CATSPERE: variants seen among roughly 807,000 people sequenced by gnomAD.
CATSPERE encodes the protein catsper channel auxiliary subunit epsilon.
Under a neutral mutation model 114.1 loss-of-function variants are expected in CATSPERE, and 93 were observed. The observed-to-expected ratio is 0.81, with a 90% CI of 0.69 to 0.97. CATSPERE has a LOEUF of 0.97. CATSPERE is among the 50% of genes least tolerant of loss of function. The probability of loss-of-function intolerance (pLI) is 0.00; values close to 1 mark genes in which losing one functional copy is unlikely to be tolerated. For missense variants in CATSPERE, 1,058 were observed against 1,131.6 expected (o/e 0.93, Z 0.93); for synonymous variants, 341 against 384.1 (o/e 0.89, Z 1.31).
At chr1:244,465,739 G>GT (rs1161685554) in intron 2 of CATSPERE, among the ~76,000 whole-genome samples, 5 of 152,292 alleles carry the variant, frequency 3.3e-5, no homozygotes, top group South Asian at 4.1e-4. Context: ...GAATAAGGCT[G>GT]TTAGTTTTCA....
At chr1:244,460,859 A>T (rs902049008), upstream of CATSPERE, among the ~76,000 whole-genome samples, 1 of 152,224 alleles carries the variant, frequency 6.6e-6, no homozygotes, top group Non-Finnish European at 1.5e-5. Context: ...GGTTGCAGTG[A>T]GCCGAGCCAG....
chr1:244,464,124 C>G (rs1012047276), intron 2 of CATSPERE, among the ~76,000 whole-genome samples, 168 bp downstream of exon 2: 3 of 152,158 alleles, frequency 2.0e-5, no homozygotes, highest in African/African-American at 7.2e-5. Flanking sequence ...AATCCATGTC[C>G]TTAAATTTGC....
At chr1:244,477,704 A>G in intron 3 of CATSPERE, 90 bp downstream of exon 3, 3 of 1,067,334 alleles carry the variant, frequency 2.8e-6, no homozygotes, top group Non-Finnish European at 4.2e-6. Flanking sequence ...CTGTGATTTA[A>G]TATAAATTTT....
chr1:244,619,753 A>T (rs1490474347), intron 20 of CATSPERE, among the ~76,000 whole-genome samples: 1 of 152,208 alleles, frequency 6.6e-6, no homozygotes, highest in Non-Finnish European at 1.5e-5. Context: ...CTACAGGTGC[A>T]CTGACAATAG....
At chr1:244,636,903 CTT>C in intron 21 of CATSPERE, among the ~76,000 whole-genome samples, 1 of 152,106 alleles carries the variant, frequency 6.6e-6, no homozygotes, top group Non-Finnish European at 1.5e-5. Context: ...TCGGCACTTC[CTT>C]GCTCCTAGTC....
chr1:244,512,218 C>T (rs1205609050), intron 7 of CATSPERE, among the ~76,000 whole-genome samples: 1 of 152,098 alleles, frequency 6.6e-6, no homozygotes, highest in African/African-American at 2.4e-5. Context: ...GTCATATAGG[C>T]TTTCTTCATG....
At chr1:244,451,973 C>A, upstream of CATSPERE, 2 of 715,664 alleles carry the variant, frequency 2.8e-6, no homozygotes, top group Non-Finnish European at 4.3e-6. This position sits in a 1 kb window ranked among gnomAD's most constrained non-coding sequence, Gnocchi z 6.6. Flanking sequence ...CAGCCAGTCC[C>A]CGCCCCGCTC....
chr1:244,604,643 T>A (rs1293036957), intron 17 of CATSPERE, among the ~76,000 whole-genome samples: 1 of 152,228 alleles, frequency 6.6e-6, no homozygotes, highest in Non-Finnish European at 1.5e-5. Context: ...ACTAAGGTCC[T>A]AAGTGAAATT....
intron 11 of CATSPERE, among the ~76,000 whole-genome samples, chr1:244,580,211 AT>A (rs747379847): frequency 2.8e-3 from 311 of 110,830 alleles, no homozygotes; most frequent in East Asian, 4.6e-3. Context: ...TAATTTTTGT[AT>A]TTTTTTTTTT....
intron 2 of CATSPERE, among the ~76,000 whole-genome samples, chr1:244,469,028 A>C (rs371541268): frequency 1.3e-5 from 2 of 152,180 alleles, no homozygotes; most frequent in African/African-American, 4.8e-5. Context: ...TGTAAATTGA[A>C]ACAGTGCATC....
At chr1:244,630,046 ATG>A (rs2148743742) in intron 20 of CATSPERE, among the ~76,000 whole-genome samples, 1 of 152,314 alleles carries the variant, frequency 6.6e-6, no homozygotes, top group South Asian at 2.1e-4. Flanking sequence ...TGAGATGATG[ATG>A]AAAACAAACT....
intron 6 of CATSPERE, among the ~76,000 whole-genome samples, chr1:244,495,160 A>AT (rs1672895576): frequency 6.6e-6 from 1 of 152,202 alleles, no homozygotes; most frequent in South Asian, 2.1e-4. Context: ...ATTTAAGAGC[A>AT]GGAAAAGGAA....
chr1:244,460,969 C>T (rs541298175), upstream of CATSPERE, among the ~76,000 whole-genome samples: 1 of 152,358 alleles, frequency 6.6e-6, no homozygotes, highest in South Asian at 2.1e-4. Flanking sequence ...CTGGAAAGCA[C>T]TGCCAGATAT....
intron 10 of CATSPERE, among the ~76,000 whole-genome samples, chr1:244,564,123 G>T (rs918636443): frequency 6.6e-5 from 10 of 152,032 alleles, no homozygotes; most frequent in Non-Finnish European, 1.0e-4. Context: ...ATCTGTTTTG[G>T]TACCAGTACC....
rs1663951366 is a variant in CATSPERE at position 244,568,576 on chromosome 1, G to A, written c.1508-3754G>A. Among the ~76,000 whole-genome samples the A allele has an allele frequency of 6.6e-6, 1 of 152,236 alleles. No individual in the cohort carries two copies. The highest frequency in any genetic ancestry group is 2.1e-4 in the South Asian group (1 of 4,838). ...GAATCTAGAGAGGCAGTCTGGCTATGGCAGCTGTGCCGAGCTGTGGTGGGC... is the reference window on the plus strand; with the variant it reads ...GAATCTAGAGAGGCAGTCTGGCTATAGCAGCTGTGCCGAGCTGTGGTGGGC... On this transcript the variant is annotated intron_variant, in intron 10 of 21. Coordinates refer to ENST00000366534, the MANE Select transcript of CATSPERE (RefSeq NM_001130957.2). This position sits in a 1 kb window ranked among gnomAD's most constrained non-coding sequence, Gnocchi z 4.4.
intron 8 of CATSPERE, among the ~76,000 whole-genome samples, chr1:244,542,569 G>A (rs115377201): frequency 6.6e-6 from 1 of 151,932 alleles, no homozygotes; most frequent in East Asian, 1.9e-4. Flanking sequence ...TTACTTATAA[G>A]TGAGAACATG....
chr1:244,574,163 G>A (rs1394341514), intron 11 of CATSPERE, among the ~76,000 whole-genome samples: 1 of 152,052 alleles, frequency 6.6e-6, no homozygotes, highest in Admixed American at 6.5e-5. Flanking sequence ...AAGGCAATAG[G>A]GAACAAAGGA....
chr1:244,595,887 G>T (rs1193812762), intron 17 of CATSPERE, among the ~76,000 whole-genome samples: 3 of 152,066 alleles, frequency 2.0e-5, no homozygotes, highest in Non-Finnish European at 4.4e-5. Context: ...GAGCCGAGAT[G>T]GCGCCACTGC....
chr1:244,526,740 C>T (rs1455727295), intron 8 of CATSPERE, among the ~76,000 whole-genome samples: 3 of 151,548 alleles, frequency 2.0e-5, no homozygotes, highest in Non-Finnish European at 4.4e-5. Flanking sequence ...CCTCAAACTC[C>T]TAGGTATCGG....
Sources: gnomAD v4.1 joint callset for allele counts (sites outside exome capture counted in the v4.1 genomes callset) on GRCh38, gnomAD v4.1.1 for gene constraint, Gnocchi (gnomAD v3.1) non-coding constraint, MANE v1.5 for transcripts, NCBI Gene and HGNC (gene_info 2026-07-23, HGNC 2026-07-21) for gene names.